Variants in CYTH3 observed in about 807,000 individuals in gnomAD.
CYTH3 encodes the protein cytohesin 3, also known as cytohesin-3.
A neutral mutation model predicts 55.1 loss-of-function variants in CYTH3; 23 were observed. The observed-to-expected ratio is 0.42, with a 90% CI of 0.30 to 0.59. The LOEUF (loss-of-function observed/expected upper bound fraction) is 0.59. Among genes scored for constraint, CYTH3 ranks in the 20% least tolerant of loss-of-function variants. The probability of loss-of-function intolerance (pLI) is 0.20; values close to 1 mark genes in which losing one functional copy is unlikely to be tolerated. For synonymous variants in CYTH3, 249 were observed against 194.9 expected (o/e 1.28, Z -2.31); for missense variants, 413 against 524.8 (o/e 0.79, Z 2.08).
At chr7:6,168,560 C>A (rs1379402050) in intron 9 of CYTH3, among the ~76,000 whole-genome samples, 1 of 152,098 alleles carries the variant, frequency 6.6e-6, no homozygotes, top group African/African-American at 2.4e-5. Context: ...GGAAGCCAGC[C>A]CCTAGAGCAG....
At chr7:6,247,337 G>C (rs2115043175) in intron 1 of CYTH3, among the ~76,000 whole-genome samples, 1 of 152,302 alleles carries the variant, frequency 6.6e-6, no homozygotes, top group South Asian at 2.1e-4. Context: ...CTGGCTGTTT[G>C]CAGGGTACTC....
Position 6,170,257 on chromosome 7 carries a change from T to C in CYTH3, c.823+278A>G, listed in dbSNP as rs1783134967. 2.2e-6 allele frequency: 1 copy of C among 445,396 alleles called. No homozygotes were observed. The highest frequency in any genetic ancestry group is 4.0e-6 in the Non-Finnish European group (1 of 250,700). The allele number at this position is 445,396 out of a possible 1,614,324, so 27.6% of individuals were successfully genotyped here. On this transcript the variant is annotated intron_variant, in intron 9 of 12. Transcript: ENST00000350796. This position sits in a 1 kb window ranked among gnomAD's most constrained non-coding sequence, Gnocchi z 7.8. Reference sequence around the variant, plus strand: ...TGCGCTTGCTTCTCGTGCAGGAAGCTGCCCTGGCTGGATCTGGATGCTAAC... The same window carrying C: ...TGCGCTTGCTTCTCGTGCAGGAAGCCGCCCTGGCTGGATCTGGATGCTAAC...
chr7:6,227,022 G>C (rs1562398486), intron 1 of CYTH3, among the ~76,000 whole-genome samples: 2 of 151,286 alleles, frequency 1.3e-5, no homozygotes. Flanking sequence ...GGAGCTTGCA[G>C]TGAGCTGAGA....
At chr7:6,251,341 T>C (rs1779958705) in intron 1 of CYTH3, among the ~76,000 whole-genome samples, 1 of 151,844 alleles carries the variant, frequency 6.6e-6, no homozygotes, top group South Asian at 2.1e-4. Flanking sequence ...TTTTTTTTTT[T>C]TCTTTAAAGG....
intron 1 of CYTH3, among the ~76,000 whole-genome samples, chr7:6,241,420 C>T (rs894160086): frequency 3.3e-5 from 5 of 152,190 alleles, no homozygotes; most frequent in African/African-American, 1.2e-4. Flanking sequence ...TGACAGACTA[C>T]CTGTTGACAA....
Position 6,259,249 on chromosome 7 carries a change from A to T in CYTH3, c.34+13225T>A, listed in dbSNP as rs574757949. 5.3e-5 allele frequency among the ~76,000 whole-genome samples: 8 copies of T among 152,324 alleles called. 1 individual carries two copies. The highest frequency in any genetic ancestry group is 1.9e-4 in the African/African-American group (8 of 41,574). ...GGAAATACTTTCTGATCATCATCCA[A>T]ATGCTTTGTTTTACAGCAAATTGCT... On this transcript the variant is annotated intron_variant, in intron 1 of 12. Coordinates refer to ENST00000350796, the MANE Select transcript of CYTH3 (RefSeq NM_004227.4).
At chr7:6,240,134 C>T (rs111883070) in intron 1 of CYTH3, among the ~76,000 whole-genome samples, 2 of 151,888 alleles carry the variant, frequency 1.3e-5, no homozygotes, top group African/African-American at 4.8e-5. Flanking sequence ...AGTGAAACCT[C>T]GTCTCTACTA....
chr7:6,173,174 G>A (rs948950026), intron 6 of CYTH3: 1 of 614,232 alleles, frequency 1.6e-6, no homozygotes, highest in African/African-American at 2.0e-5. Context: ...AGAGCAGGAG[G>A]AAGACAACGT....
At chr7:6,194,428 G>C (rs963207948) in intron 1 of CYTH3, among the ~76,000 whole-genome samples, 8 of 152,216 alleles carry the variant, frequency 5.3e-5, no homozygotes, top group African/African-American at 9.7e-5. Flanking sequence ...CTGGGTGACA[G>C]AGCGAGACTC....
At chr7:6,236,087 T>A (rs752118499) in intron 1 of CYTH3, among the ~76,000 whole-genome samples, 1 of 152,188 alleles carries the variant, frequency 6.6e-6, no homozygotes, top group Non-Finnish European at 1.5e-5. Flanking sequence ...ACTTAACTAC[T>A]CTAGGATTAC....
chr7:6,259,764 T>TA (rs1203479745), intron 1 of CYTH3, among the ~76,000 whole-genome samples: 1 of 24,936 alleles, frequency 4.0e-5, no homozygotes, highest in East Asian at 1.8e-3. Context: ...ATATTATATA[T>TA]ATATATATTA....
At chr7:6,190,385 TACTATTTTACTCAAAAGCAAAAAACAGAG>T in intron 2 of CYTH3, 35 bp downstream of exon 2, 1 of 1,212,282 alleles carries the variant, frequency 8.2e-7, no homozygotes, top group Non-Finnish European at 1.1e-6. Flanking sequence ...GCTACTCTTT[TACTATTTTACTCAAAAGCAAAAAACAGAG>T]TTTTGGATTT....
In CYTH3 at chr7:6,243,643, G is replaced by A. The variant is rs193213720; in HGVS notation, c.34+28831C>T. ...TTAGGTGGCTTTCAGCTTCTTCTGC[G>A]TATAATTAAATTACAGCCAGCCATT... On this transcript the variant is annotated intron_variant, in intron 1 of 12. Transcript: ENST00000350796. Among the ~76,000 whole-genome samples, 634 of 152,252 alleles carry A rather than the reference G, an allele frequency of 4.2e-3. 16 individuals carry two copies. In the South Asian group the frequency reaches 0.073, roughly 18 times the overall value.
intron 1 of CYTH3, among the ~76,000 whole-genome samples, chr7:6,237,474 C>T (rs1779552879): frequency 1.3e-5 from 2 of 152,140 alleles, no homozygotes; most frequent in Admixed American, 1.3e-4. Context: ...CTTTGGGAGG[C>T]CGAGGCGGGC....
intron 1 of CYTH3, among the ~76,000 whole-genome samples, chr7:6,239,240 A>T (rs1022498113): frequency 2.0e-5 from 3 of 152,118 alleles, no homozygotes; most frequent in African/African-American, 7.2e-5. Context: ...ATATTTGTTG[A>T]GAGGGGAGGG....
At chr7:6,215,034 T>C (rs1784395094) in intron 1 of CYTH3, among the ~76,000 whole-genome samples, 1 of 152,190 alleles carries the variant, frequency 6.6e-6, no homozygotes, top group Admixed American at 6.5e-5. Flanking sequence ...GAGTTATTTG[T>C]GTGTGAAGAA....
rs556465506 is a variant in CYTH3 at position 6,250,265 on chromosome 7, T to C, written c.34+22209A>G. Reference sequence around the variant, plus strand: ...ATTCTACTCCAGATGCAACTGTTCATAAGATTATCAACTAAAGGATTTCAA... The same window carrying C: ...ATTCTACTCCAGATGCAACTGTTCACAAGATTATCAACTAAAGGATTTCAA... On this transcript the variant is annotated intron_variant, in intron 1 of 12. Transcript: ENST00000350796. Among the ~76,000 whole-genome samples, 191 of 152,368 alleles carry C rather than the reference T, an allele frequency of 1.3e-3. 1 individual carries two copies. The highest frequency in any genetic ancestry group is 4.5e-3 in the African/African-American group (187 of 41,592).
chr7:6,226,390 ATC>A (rs1779251637), intron 1 of CYTH3, among the ~76,000 whole-genome samples: 2 of 152,300 alleles, frequency 1.3e-5, no homozygotes, highest in South Asian at 4.1e-4. Context: ...ATTCACAAAC[ATC>A]TAAAAGGTGG....
intron 1 of CYTH3, among the ~76,000 whole-genome samples, chr7:6,241,610 C>T (rs1304335039): frequency 6.6e-6 from 1 of 151,484 alleles, no homozygotes; most frequent in Admixed American, 6.6e-5. Context: ...TTCACATTCT[C>T]TACAACATAA....
Sources: allele counts gnomAD v4.1 joint callset (sites outside exome capture counted in the v4.1 genomes callset), GRCh38; gene constraint gnomAD v4.1.1; non-coding constraint Gnocchi (gnomAD v3.1); transcripts MANE v1.5; gene names NCBI Gene and HGNC (gene_info 2026-07-23, HGNC 2026-07-21).